Variants in EFNB2 observed in about 807,000 individuals in gnomAD.
EFNB2 encodes the protein ephrin B2, also known as ephrin-B2.
A neutral mutation model predicts 32.1 loss-of-function variants in EFNB2; 5 were observed. The ratio of observed to expected loss-of-function variants is 0.16; its 90% CI spans 0.08 to 0.33. EFNB2 has a LOEUF of 0.33. EFNB2 is among the 10% of genes least tolerant of loss of function. The probability of loss-of-function intolerance (pLI) is 1.00; values close to 1 mark genes in which losing one functional copy is unlikely to be tolerated. For missense variants in EFNB2, 263 were observed against 422.6 expected, an observed-to-expected ratio of 0.62 and a Z score of 3.31; for synonymous variants, 168 against 166.5, an observed-to-expected ratio of 1.01 and a Z score of -0.07.
chr13:106,523,221 G>T (rs1879592552), intron 1 of EFNB2, among the ~76,000 whole-genome samples: 1 of 152,136 alleles, frequency 6.6e-6, no homozygotes, highest in African/African-American at 2.4e-5. Flanking sequence ...AGCCAGGTCT[G>T]TACTGCTACC....
chr13:106,533,643 C>A (rs749003191), intron 1 of EFNB2, among the ~76,000 whole-genome samples: 9 of 152,170 alleles, frequency 5.9e-5, no homozygotes, highest in Non-Finnish European at 1.0e-4. Context: ...TCCTTTAAGA[C>A]GTGATTTCTA....
intron 3 of EFNB2, 130 bp downstream of exon 3, chr13:106,495,618 G>A (rs776768978): frequency 1.1e-5 from 9 of 836,480 alleles, no homozygotes; most frequent in African/African-American, 1.7e-5. Flanking sequence ...GTGGCTCAAA[G>A]TGCAGAAGGG....
intron 2 of EFNB2, chr13:106,506,575 T>C (rs1288492979): frequency 1.3e-5 from 2 of 152,178 alleles, no homozygotes; most frequent in African/African-American, 4.8e-5. Flanking sequence ...AATTAAGTTA[T>C]GCAGCATTAC....
At chr13:106,506,782 C>T (rs934249111) in intron 2 of EFNB2, 2 of 152,230 alleles carry the variant, frequency 1.3e-5, no homozygotes, top group African/African-American at 4.8e-5. Flanking sequence ...TAAGCATTTT[C>T]TATATCCCAC....
At chr13:106,515,922 A>G (rs1432800705) in intron 1 of EFNB2, among the ~76,000 whole-genome samples, 1 of 152,214 alleles carries the variant, frequency 6.6e-6, no homozygotes, top group African/African-American at 2.4e-5. Flanking sequence ...GTGACAGAAA[A>G]GTGGAGACCA....
chr13:106,499,287 C>G (rs1269626973), intron 2 of EFNB2, among the ~76,000 whole-genome samples: 2 of 151,688 alleles, frequency 1.3e-5, no homozygotes, highest in African/African-American at 2.4e-5. Flanking sequence ...AAAAAAGTCT[C>G]CTATCCCAAT....
Position 106,490,272 on chromosome 13 carries a change from C to A in EFNB2, c.*2768G>T, listed in dbSNP as rs1878353946. On this transcript the variant is annotated 3_prime_UTR_variant, in exon 5 of 5. Transcript: ENST00000646441. ...ACCCCAAATCCATAGACAGTAAAAT[C>A]TGAACCTATTTACAGCATCTTCACT... is the stretch of plus-strand genomic sequence containing the variant. 2 of 152,150 alleles carry A rather than the reference C, an allele frequency of 1.3e-5. No homozygotes were observed. The highest frequency in any genetic ancestry group is 2.9e-5 in the Non-Finnish European group (2 of 68,024). The allele number at this position is 152,150 out of a possible 1,614,324, so 9.4% of individuals were successfully genotyped here. A position where few individuals can be genotyped will look rare whatever the true frequency, so the allele number is the denominator to read the frequency against.
At chr13:106,523,751 T>C (rs1879612274) in intron 1 of EFNB2, among the ~76,000 whole-genome samples, 1 of 152,210 alleles carries the variant, frequency 6.6e-6, no homozygotes, top group Non-Finnish European at 1.5e-5. Flanking sequence ...GAAGCCAGAA[T>C]CCCAGTTTGC....
chr13:106,531,046 C>G (rs1879853700), intron 1 of EFNB2, among the ~76,000 whole-genome samples: 1 of 152,206 alleles, frequency 6.6e-6, no homozygotes, highest in African/African-American at 2.4e-5. Flanking sequence ...TAGCTTAAGT[C>G]AGAAGCCTCT....
chr13:106,502,515 T>C (rs1001207492), intron 2 of EFNB2, among the ~76,000 whole-genome samples: 1 of 152,196 alleles, frequency 6.6e-6, no homozygotes, highest in South Asian at 2.1e-4. Context: ...AAGGTTTTGA[T>C]GACATATATT....
chr13:106,500,469 A>T (rs536066051), intron 2 of EFNB2, among the ~76,000 whole-genome samples: 1 of 152,330 alleles, frequency 6.6e-6, no homozygotes, highest in Admixed American at 6.5e-5. Flanking sequence ...AATGTAGCGT[A>T]TTTGTATGGG....
intron 1 of EFNB2, among the ~76,000 whole-genome samples, chr13:106,527,355 C>T (rs927433388): frequency 2.6e-5 from 4 of 152,158 alleles, no homozygotes; most frequent in Admixed American, 1.3e-4. Flanking sequence ...TCATTCACAG[C>T]GCTCTAAATG....
intron 2 of EFNB2, among the ~76,000 whole-genome samples, chr13:106,510,838 C>G (rs1476675643): frequency 6.6e-6 from 1 of 152,036 alleles, no homozygotes; most frequent in Non-Finnish European, 1.5e-5. Context: ...ATGGTGAAAC[C>G]CCGTCTTGAC....
At chr13:106,508,249 G>A (rs1013821017) in intron 2 of EFNB2, among the ~76,000 whole-genome samples, 6 of 152,132 alleles carry the variant, frequency 3.9e-5, no homozygotes, top group Non-Finnish European at 7.4e-5. Flanking sequence ...ACGAACACAA[G>A]AAGGCTTTCC....
At chr13:106,519,757 TTC>T (rs1879437151) in intron 1 of EFNB2, 1 of 152,228 alleles carries the variant, frequency 6.6e-6, no homozygotes, top group African/African-American at 2.4e-5. Context: ...ATTTTTAGCT[TTC>T]TGTGTTTTCT....
chr13:106,496,245 T>G (rs1016340398), intron 2 of EFNB2, among the ~76,000 whole-genome samples: 3 of 152,190 alleles, frequency 2.0e-5, no homozygotes, highest in Non-Finnish European at 2.9e-5. Flanking sequence ...CCACACCTGC[T>G]TCCTCCACTG....
chr13:106,515,391 A>G (rs1001325773), intron 1 of EFNB2, among the ~76,000 whole-genome samples: 3 of 152,202 alleles, frequency 2.0e-5, no homozygotes, highest in African/African-American at 7.2e-5. Flanking sequence ...ATGCTTATCA[A>G]AGCGGAAGTG....
chr13:106,534,802 C>T (rs952397325), intron 1 of EFNB2, 41 bp downstream of exon 1: 1 of 1,580,540 alleles, frequency 6.3e-7, no homozygotes. Flanking sequence ...GCGCGGCGGA[C>T]CCCGGGGCGG....
At chr13:106,532,130 G>A (rs1171531908) in intron 1 of EFNB2, among the ~76,000 whole-genome samples, 1 of 150,588 alleles carries the variant, frequency 6.6e-6, no homozygotes, top group Non-Finnish European at 1.5e-5. Context: ...CTACCAGAAC[G>A]TATCAAAGCA....
Sources: gnomAD v4.1 joint callset for allele counts (sites outside exome capture counted in the v4.1 genomes callset) on GRCh38, gnomAD v4.1.1 for gene constraint, MANE v1.5 for transcripts, NCBI Gene and HGNC (gene_info 2026-07-23, HGNC 2026-07-21) for gene names.